Variants in PRKG1 observed in about 807,000 individuals in gnomAD.
PRKG1 encodes protein kinase cGMP-dependent 1, also known as cGMP-dependent protein kinase 1.
Under a neutral mutation model 88.1 loss-of-function variants are expected in PRKG1, and 35 were observed. The ratio of observed to expected loss-of-function variants is 0.40; its 90% CI spans 0.30 to 0.53. The LOEUF is 0.53. PRKG1 is among the 20% of genes least tolerant of loss of function. The pLI, the probability that PRKG1 is intolerant of heterozygous loss-of-function variation, is 0.59. For synonymous variants in PRKG1, 303 were observed against 292.5 expected (o/e 1.04, Z -0.37); for missense variants, 540 against 839.8 (o/e 0.64, Z 4.41).
rs562471431 is a variant in PRKG1, at chr10:51,923,770, TAAATC to T, written c.762+16203_762+16207del. 3.7e-3 allele frequency among the ~76,000 whole-genome samples: 560 copies of T among 152,146 alleles called. 1 individual carries two copies. Among genetic ancestry groups the T allele is most frequent in the Non-Finnish European group, 5.7e-3 (386 of 67,986 alleles). On this transcript the variant is annotated intron_variant, in intron 5 of 17. Transcript: ENST00000373980. Reference sequence around the variant, plus strand: ...TTATTTTGAACCAGTTGTTACCTGTTAAATCAATTAAGAATAAGAAAAATAAATGA... The same window carrying T: ...TTATTTTGAACCAGTTGTTACCTGTTAATTAAGAATAAGAAAAATAAATGA...
At chr10:51,637,611 C>A (rs1004443202) in intron 3 of PRKG1, among the ~76,000 whole-genome samples, 15 of 152,192 alleles carry the variant, frequency 9.9e-5, no homozygotes, top group Admixed American at 4.6e-4. Flanking sequence ...AGATTATGTC[C>A]TCTGAAGAGA....
intron 7 of PRKG1, among the ~76,000 whole-genome samples, chr10:52,124,603 T>C (rs1184830778): frequency 6.6e-6 from 1 of 152,162 alleles, no homozygotes; most frequent in East Asian, 1.9e-4. Context: ...GGACACTTAG[T>C]CTACACCAAA....
At chr10:51,065,707 C>T (rs1843741703) in intron 1 of PRKG1, among the ~76,000 whole-genome samples, 1 of 152,004 alleles carries the variant, frequency 6.6e-6, no homozygotes, top group Admixed American at 6.6e-5. Flanking sequence ...TTTACTCCTA[C>T]CTTTATTTAT....
chr10:52,193,770 A>C (rs1284089522), intron 9 of PRKG1, among the ~76,000 whole-genome samples: 1 of 152,148 alleles, frequency 6.6e-6, no homozygotes, highest in Non-Finnish European at 1.5e-5. Flanking sequence ...TACTATAACC[A>C]GTTTCCTCTG....
rs1158759528 is a variant in PRKG1, at chr10:51,463,869, C to T, written c.479-3854C>T. Among the ~76,000 whole-genome samples, 6 of 152,298 alleles carry T rather than the reference C, an allele frequency of 3.9e-5. No individual in the cohort carries two copies. The South Asian group carries it at 8.3e-4, about 21-fold the overall frequency. On this transcript the variant is annotated intron_variant, in intron 2 of 17. Coordinates refer to ENST00000373980, the MANE Select transcript of PRKG1 (RefSeq NM_006258.4). Reference sequence around the variant, plus strand: ...CTGCCTCCTTGAATTAGCCATTCCTCGTTCACATAACAGGTGTGAGAAAGG... The same window carrying T: ...CTGCCTCCTTGAATTAGCCATTCCTTGTTCACATAACAGGTGTGAGAAAGG...
chr10:51,340,249 T>C (rs988551821), intron 2 of PRKG1, among the ~76,000 whole-genome samples: 7 of 152,286 alleles, frequency 4.6e-5, no homozygotes, highest in African/African-American at 7.2e-5. Flanking sequence ...ATATTTTCCA[T>C]TGATAGCTTG....
intron 1 of PRKG1, among the ~76,000 whole-genome samples, chr10:51,053,851 G>C (rs1315587826): frequency 6.6e-6 from 1 of 151,004 alleles, no homozygotes; most frequent in East Asian, 1.9e-4. Flanking sequence ...GGTGGTTTGT[G>C]GGTTTTTATA....
At chr10:51,980,109 G>A (rs1394094957) in intron 5 of PRKG1, among the ~76,000 whole-genome samples, 1 of 151,998 alleles carries the variant, frequency 6.6e-6, no homozygotes, top group Non-Finnish European at 1.5e-5. Context: ...TTTTTCATGT[G>A]AGCATTTAGT....
intron 5 of PRKG1, among the ~76,000 whole-genome samples, chr10:52,006,439 A>T (rs1844738203): frequency 6.6e-6 from 1 of 152,220 alleles, no homozygotes; most frequent in Non-Finnish European, 1.5e-5. Flanking sequence ...AGAAAGAACC[A>T]AACTAATCTG....
chr10:51,862,100 T>C (rs1413119283), intron 4 of PRKG1, among the ~76,000 whole-genome samples: 1 of 152,172 alleles, frequency 6.6e-6, no homozygotes, highest in African/African-American at 2.4e-5. Flanking sequence ...CCCCAAGAAA[T>C]GTTACAGTTC....
At chr10:51,247,477 TA>T (rs1428466781) in intron 2 of PRKG1, among the ~76,000 whole-genome samples, 1 of 151,966 alleles carries the variant, frequency 6.6e-6, no homozygotes, top group Non-Finnish European at 1.5e-5. Context: ...AAATTCAGAG[TA>T]AACATTACTT....
chr10:51,001,393 T>C (rs1842887103), intron 1 of PRKG1, among the ~76,000 whole-genome samples: 1 of 152,222 alleles, frequency 6.6e-6, no homozygotes, highest in Admixed American at 6.5e-5. Context: ...CTCCTTTCTT[T>C]GTAAAGAAAC....
intron 4 of PRKG1, among the ~76,000 whole-genome samples, chr10:51,853,337 A>G (rs1401024009): frequency 1.3e-5 from 2 of 152,208 alleles, no homozygotes; most frequent in Non-Finnish European, 2.9e-5. Flanking sequence ...ACAAAATTAC[A>G]AAGACATATC....
intron 8 of PRKG1, among the ~76,000 whole-genome samples, chr10:52,137,072 G>A (rs190882651): frequency 1.2e-4 from 18 of 152,198 alleles, no homozygotes; most frequent in African/African-American, 4.1e-4. Context: ...GAGCACCAGG[G>A]CTTCATCCCA....
chr10:51,844,303 C>T lies in PRKG1; in HGVS notation c.698+39613C>T, dbSNP rs187416277. 2.9e-3 allele frequency among the ~76,000 whole-genome samples: 446 copies of T among 151,832 alleles called. 14 individuals are homozygous for T. The highest frequency in any genetic ancestry group is 0.026 in the Admixed American group (404 of 15,246). On this transcript the variant is annotated intron_variant, in intron 4 of 17. Coordinates refer to ENST00000373980, the MANE Select transcript of PRKG1 (RefSeq NM_006258.4). ...TACAGAAATGTCAAAATGTGAATAA[C>T]GTGTTCATCTTACAAGTGAAAAAAT...
chr10:51,130,387 C>T (rs932078629), intron 1 of PRKG1, among the ~76,000 whole-genome samples: 1 of 152,108 alleles, frequency 6.6e-6, no homozygotes, highest in African/African-American at 2.4e-5. Context: ...GTAGCCTACA[C>T]AATAAAGAGA....
At chr10:51,418,729 C>T (rs1217181224) in intron 2 of PRKG1, among the ~76,000 whole-genome samples, 1 of 152,100 alleles carries the variant, frequency 6.6e-6, no homozygotes, top group Non-Finnish European at 1.5e-5. Context: ...CAAGATGTAG[C>T]CCCATAGAAA....
At chr10:52,135,219 T>C (rs1381080713) in intron 8 of PRKG1, among the ~76,000 whole-genome samples, 12 of 151,920 alleles carry the variant, frequency 7.9e-5, no homozygotes, top group Admixed American at 7.9e-4. Context: ...TGTGGAAGTA[T>C]AGGAAAAGCA....
rs539983164 is a variant in PRKG1, at chr10:51,348,001, T to C, written c.479-119722T>C. ...TGGCGTGAACCCGGGAGGCGGAGCT[T>C]GCAGTGAGCCGAGATCATGCCACTG... On this transcript the variant is annotated intron_variant, in intron 2 of 17. Coordinates refer to ENST00000373980, the MANE Select transcript of PRKG1 (RefSeq NM_006258.4). Among the ~76,000 whole-genome samples, 3 of 152,156 alleles carry C rather than the reference T, an allele frequency of 2.0e-5. No individual in the cohort carries two copies. The South Asian group carries it at 6.2e-4, about 32-fold the overall frequency.
Sources: gnomAD v4.1 joint callset for allele counts (sites outside exome capture counted in the v4.1 genomes callset) on GRCh38, gnomAD v4.1.1 for gene constraint, MANE v1.5 for transcripts, NCBI Gene and HGNC (gene_info 2026-07-23, HGNC 2026-07-21) for gene names.